PDE1C: variants seen among roughly 807,000 people sequenced by gnomAD.
PDE1C encodes the protein phosphodiesterase 1C.
Under a neutral mutation model 93.1 loss-of-function variants are expected in PDE1C, and 62 were observed. The observed-to-expected ratio is 0.67, with a 90% CI of 0.54 to 0.82. The LOEUF is 0.82. Among genes scored for constraint, PDE1C ranks in the 40% least tolerant of loss-of-function variants. The pLI is 0.00. For synonymous variants in PDE1C, 325 were observed against 310.1 expected (o/e 1.05, Z -0.50); for missense variants, 742 against 884.6 (o/e 0.84, Z 2.04).
At chr7:32,092,197 G>T (rs1797510317) in intron 3 of PDE1C, among the ~76,000 whole-genome samples, 1 of 151,340 alleles carries the variant, frequency 6.6e-6, no homozygotes, top group African/African-American at 2.4e-5. Flanking sequence ...CTTACTCTGT[G>T]TAGCCTGTTA....
chr7:31,880,060 A>C (rs969535569), intron 3 of PDE1C, among the ~76,000 whole-genome samples: 2 of 152,228 alleles, frequency 1.3e-5, no homozygotes, highest in Admixed American at 1.3e-4. Context: ...ATCTTAGATT[A>C]CTGTGAAATA....
At chr7:31,644,261 A>G in the PDE1C span, among the ~76,000 whole-genome samples, 1 of 150,152 alleles carries the variant, frequency 6.7e-6, no homozygotes, top group East Asian at 2.0e-4. Flanking sequence ...GCATTAATGC[A>G]TCTGTAACTC....
At position 31,850,670 on chromosome 7, in the gene PDE1C, T is replaced by G; in HGVS notation, c.822A>C (p.Gly274=). ...TCTGAATGTGGAAATTGTTGGTGGTTCCGGTATGCTCGTAGTCATGGATGG... is the reference window on the plus strand; with the variant it reads ...TCTGAATGTGGAAATTGTTGGTGGTGCCGGTATGCTCGTAGTCATGGATGG... ...SAAIHDYEHT[G]TTNNFHIQTR... The change falls in exon 8 of 18, where the codon GGA becomes GGC. Residue 274 remains glycine, a synonymous_variant. Transcript: ENST00000396191. The G allele has an allele frequency of 6.2e-7, 1 of 1,613,318 alleles. No homozygotes were observed. Among genetic ancestry groups the G allele is most frequent in the Non-Finnish European group, 8.5e-7 (1 of 1,179,352 alleles).
chr7:32,194,371 A>G (rs187451818), intron 2 of PDE1C, among the ~76,000 whole-genome samples: 2 of 152,188 alleles, frequency 1.3e-5, no homozygotes, highest in African/African-American at 4.8e-5. Context: ...CTTGTGTTCA[A>G]TCTATTGTTG....
chr7:31,764,907 A>G (rs1795045857), intron 17 of PDE1C, among the ~76,000 whole-genome samples: 1 of 152,216 alleles, frequency 6.6e-6, no homozygotes, highest in Admixed American at 6.5e-5. Context: ...CACTTTGAAT[A>G]TACACAAGCT....
At chr7:32,224,643 G>C (rs1012692234) in intron 1 of PDE1C, among the ~76,000 whole-genome samples, 1 of 152,168 alleles carries the variant, frequency 6.6e-6, no homozygotes, top group Non-Finnish European at 1.5e-5. Context: ...AACATGTGTA[G>C]AGACACTTCC....
At chr7:32,407,732 A>G (rs215742) in intron 1 of PDE1C, among the ~76,000 whole-genome samples, 133,815 of 152,080 alleles carry the variant, frequency 0.88, 59,830 homozygotes, top group Non-Finnish European at 0.96. Flanking sequence ...ATTTTAGATG[A>G]AGTGTCTATT....
chr7:31,790,176 G>A, intron 16 of PDE1C: 1 of 1,604,012 alleles, frequency 6.2e-7, no homozygotes, highest in Non-Finnish European at 8.5e-7. Flanking sequence ...GGAGAAGAAG[G>A]AGAATGAAGA....
chr7:31,754,552 T>C (rs1794331822), intron 17 of PDE1C, among the ~76,000 whole-genome samples: 1 of 152,200 alleles, frequency 6.6e-6, no homozygotes, highest in South Asian at 2.1e-4. Flanking sequence ...TATTATTCAT[T>C]GTGATAAAAA....
At chr7:32,335,548 C>T (rs1370868564) in intron 1 of PDE1C, among the ~76,000 whole-genome samples, 3 of 152,110 alleles carry the variant, frequency 2.0e-5, no homozygotes, top group East Asian at 3.9e-4. Flanking sequence ...CCTGAAGCCT[C>T]TCTTCTTGGC....
At chr7:31,786,239 C>G (rs1783922169) in intron 16 of PDE1C, 1 of 149,978 alleles carries the variant, frequency 6.7e-6, no homozygotes, top group Non-Finnish European at 1.5e-5. Context: ...GTGTCATCTT[C>G]CCTTTTGGAA....
At chr7:32,205,176 T>C (rs1805341268) in intron 2 of PDE1C, among the ~76,000 whole-genome samples, 2 of 152,196 alleles carry the variant, frequency 1.3e-5, no homozygotes, top group Admixed American at 6.5e-5. Context: ...AAAGGGTCCA[T>C]GTCTGTCCTG....
chr7:31,887,936 A>AGTGT (rs1364566125), intron 2 of PDE1C, among the ~76,000 whole-genome samples: 1 of 152,216 alleles, frequency 6.6e-6, no homozygotes, highest in Non-Finnish European at 1.5e-5. Context: ...CAGCTAAAGC[A>AGTGT]GTGTTTAGAG....
chr7:32,154,875 C>G (rs1191281725), intron 3 of PDE1C, among the ~76,000 whole-genome samples: 1 of 152,236 alleles, frequency 6.6e-6, no homozygotes, highest in Non-Finnish European at 1.5e-5. Context: ...GGCAGTAAGT[C>G]TGAAGAAGGG....
At chr7:32,275,470 T>C (rs757651164) in intron 1 of PDE1C, among the ~76,000 whole-genome samples, 5 of 152,138 alleles carry the variant, frequency 3.3e-5, no homozygotes, top group Non-Finnish European at 7.3e-5. Flanking sequence ...CTTTGCACTT[T>C]CTCAGTAAAT....
rs181290856 is a variant in PDE1C, at chr7:31,964,182, G to C, written c.129-83322C>G. 3.0e-3 allele frequency among the ~76,000 whole-genome samples: 460 copies of C among 152,372 alleles called. 4 individuals are homozygous for C. The highest frequency in any genetic ancestry group is 0.01 in the African/African-American group (429 of 41,590). On this transcript the variant is annotated intron_variant, in intron 2 of 17. Transcript: ENST00000396191. ...GCATCACCTCACCCGGGAAGTGCAA[G>C]TGGTCAAGGAATTCCCTTTCCTAGT...
intron 3 of PDE1C, among the ~76,000 whole-genome samples, chr7:32,082,943 C>G (rs1489969822): frequency 1.3e-5 from 2 of 150,282 alleles, no homozygotes; most frequent in African/African-American, 4.9e-5. Flanking sequence ...AAAAGCAGAG[C>G]ACCTCTCCTC....
intron 1 of PDE1C, among the ~76,000 whole-genome samples, chr7:32,404,626 G>A (rs1290619739): frequency 6.6e-6 from 1 of 152,152 alleles, no homozygotes; most frequent in Non-Finnish European, 1.5e-5. Flanking sequence ...GTGAGCCACT[G>A]TGCCCAGCCT....
At chr7:32,296,764 A>T (rs1812624996) in intron 1 of PDE1C, among the ~76,000 whole-genome samples, 1 of 152,224 alleles carries the variant, frequency 6.6e-6, no homozygotes, top group African/African-American at 2.4e-5. Context: ...AGTCAAGAAA[A>T]CCAATTTAAC....
Sources: allele counts gnomAD v4.1 joint callset (sites outside exome capture counted in the v4.1 genomes callset), GRCh38; gene constraint gnomAD v4.1.1; transcripts MANE v1.5; gene names NCBI Gene and HGNC (gene_info 2026-07-23, HGNC 2026-07-21).